Variants in CA10 observed in about 807,000 individuals in gnomAD.
CA10 encodes the protein carbonic anhydrase 10 (inactive).
In CA10, 14 loss-of-function variants were observed where a neutral mutation model predicts 44.2. The ratio of observed to expected loss-of-function variants is 0.32; its 90% CI spans 0.21 to 0.50. The LOEUF is 0.50. CA10 is among the 20% of genes least tolerant of loss of function. The pLI, the probability that CA10 is intolerant of heterozygous loss-of-function variation, is 0.99. For missense variants in CA10, 350 were observed against 409.7 expected (o/e 0.85, Z 1.26); for synonymous variants, 159 against 141.6 (o/e 1.12, Z -0.87).
chr17:52,000,334 G>A (rs2144118370), intron 2 of CA10, among the ~76,000 whole-genome samples: 1 of 152,102 alleles, frequency 6.6e-6, no homozygotes, highest in South Asian at 2.1e-4. Context: ...ATCCACACAT[G>A]AGTTTAACAC....
chr17:52,065,020 A>G (rs1262689406), intron 2 of CA10, among the ~76,000 whole-genome samples: 2 of 152,168 alleles, frequency 1.3e-5, no homozygotes, highest in Non-Finnish European at 2.9e-5. Flanking sequence ...AAGGCCCTCT[A>G]TGAGCTGGCC....
chr17:52,059,258 C>G (rs1486020955), intron 2 of CA10, among the ~76,000 whole-genome samples: 1 of 152,134 alleles, frequency 6.6e-6, no homozygotes, highest in Non-Finnish European at 1.5e-5. Context: ...CCAAACCAAT[C>G]TTAGCAAGCT....
intron 2 of CA10, among the ~76,000 whole-genome samples, chr17:52,025,628 T>C (rs1986276372): frequency 6.6e-6 from 1 of 152,086 alleles, no homozygotes; most frequent in Non-Finnish European, 1.5e-5. Context: ...ACCAAATGGG[T>C]AAAGCACCTA....
At chr17:52,112,547 C>G (rs1460055902) in intron 1 of CA10, among the ~76,000 whole-genome samples, 1 of 152,216 alleles carries the variant, frequency 6.6e-6, no homozygotes, top group Non-Finnish European at 1.5e-5. Flanking sequence ...TACAGCCAAA[C>G]TCCTTGATAT....
chr17:52,010,291 C>T (rs531941141), intron 2 of CA10, among the ~76,000 whole-genome samples: 2 of 152,092 alleles, frequency 1.3e-5, no homozygotes, highest in Admixed American at 1.3e-4. Flanking sequence ...AAAAAAGATA[C>T]TTGTGCACAC....
chr17:52,071,642 T>G lies in CA10; in HGVS notation c.136+677A>C, dbSNP rs78586339. Among the ~76,000 whole-genome samples, 18 of 152,232 alleles carry G rather than the reference T, an allele frequency of 1.2e-4. No individual in the cohort carries two copies. The East Asian group carries it at 2.5e-3, about 21-fold the overall frequency. ...TCACATCTGAGCAGTTAAAAATACT[T>G]TGAAATATGTCACCTGCCTTCCCTT... On this transcript the variant is annotated intron_variant, in intron 2 of 8. Transcript: ENST00000451037.
intron 2 of CA10, among the ~76,000 whole-genome samples, chr17:51,983,000 T>TC (rs780479875): frequency 1.4e-4 from 22 of 151,906 alleles, no homozygotes; most frequent in Non-Finnish European, 2.9e-4. Context: ...GATTATTTTT[T>TC]CTCGAGTTTT....
At chr17:52,096,992 A>G (rs907013396) in intron 1 of CA10, among the ~76,000 whole-genome samples, 6 of 152,218 alleles carry the variant, frequency 3.9e-5, no homozygotes, top group Non-Finnish European at 8.8e-5. Context: ...GGATTTGTCC[A>G]TTTGCTTACA....
At chr17:51,862,195 T>C (rs1464867608) in intron 3 of CA10, among the ~76,000 whole-genome samples, 1 of 152,226 alleles carries the variant, frequency 6.6e-6, no homozygotes, top group African/African-American at 2.4e-5. Context: ...CTCATCTGTA[T>C]GATGAAGGAT....
intron 2 of CA10, among the ~76,000 whole-genome samples, chr17:52,021,080 T>A (rs1327566577): frequency 6.6e-6 from 1 of 152,038 alleles, no homozygotes; most frequent in African/African-American, 2.4e-5. Flanking sequence ...TGATTCCATA[T>A]AACAAACCTA....
chr17:51,968,451 C>A (rs1424497947), intron 2 of CA10, among the ~76,000 whole-genome samples: 1 of 151,836 alleles, frequency 6.6e-6, no homozygotes, highest in Non-Finnish European at 1.5e-5. Context: ...ATACATTGCA[C>A]TGAGCAAAAA....
intron 1 of CA10, among the ~76,000 whole-genome samples, chr17:52,147,391 C>A (rs113621146): frequency 3.5e-4 from 53 of 151,880 alleles, no homozygotes; most frequent in African/African-American, 1.3e-3. Flanking sequence ...AAACACAACT[C>A]TCATTCATGA....
At chr17:52,138,822 C>T (rs1041000906) in intron 1 of CA10, among the ~76,000 whole-genome samples, 4 of 152,140 alleles carry the variant, frequency 2.6e-5, no homozygotes, top group African/African-American at 9.7e-5. Flanking sequence ...GTGAGCACCT[C>T]AAGTGCTTTA....
At position 51,840,962 on chromosome 17, in the gene CA10, G is replaced by A. The variant is rs762920902; in HGVS notation, c.279+90028C>T. ...GCTGAGTCCCTTTCATGAGACCCAT[G>A]TGCTTGCTCAGAAGCAGAGCTGAAG... On this transcript the variant is annotated intron_variant, in intron 3 of 8. Coordinates refer to ENST00000451037, the MANE Select transcript of CA10 (RefSeq NM_020178.5). Among the ~76,000 whole-genome samples, 6 of 152,186 alleles carry A rather than the reference G, an allele frequency of 3.9e-5. No individual in the cohort carries two copies. In the South Asian group the frequency reaches 1.0e-3, roughly 26 times the overall value.
chr17:52,085,498 C>T (rs1988093615), intron 1 of CA10, among the ~76,000 whole-genome samples: 1 of 152,228 alleles, frequency 6.6e-6, no homozygotes, highest in Admixed American at 6.5e-5. Context: ...TCAAGTCTCT[C>T]TGCAAAGCCC....
intron 3 of CA10, among the ~76,000 whole-genome samples, chr17:51,763,816 A>C (rs1307051345): frequency 6.6e-6 from 1 of 152,002 alleles, no homozygotes; most frequent in Non-Finnish European, 1.5e-5. Flanking sequence ...TCATTCAACA[A>C]TTTAAAGAAA....
At chr17:52,117,948 G>A (rs1391101346) in intron 1 of CA10, among the ~76,000 whole-genome samples, 1 of 152,118 alleles carries the variant, frequency 6.6e-6, no homozygotes, top group Non-Finnish European at 1.5e-5. Flanking sequence ...AAATTCAAAG[G>A]GGTATTATAT....
intron 5 of CA10, 65 bp downstream of exon 5, chr17:51,653,576 C>A (rs1281758248): frequency 6.7e-6 from 6 of 895,808 alleles, no homozygotes; most frequent in Admixed American, 1.7e-5. Flanking sequence ...CCAACAGAGA[C>A]CGTAAATTGG....
chr17:52,012,826 T>TA (rs5820898), intron 2 of CA10, among the ~76,000 whole-genome samples: 2,556 of 149,980 alleles, frequency 0.017, 70 homozygotes, highest in African/African-American at 0.057. Context: ...GTGTTAATTA[T>TA]AAAAAAAAAA....
Sources: allele counts gnomAD v4.1 joint callset (sites outside exome capture counted in the v4.1 genomes callset), GRCh38; gene constraint gnomAD v4.1.1; transcripts MANE v1.5; gene names NCBI Gene and HGNC (gene_info 2026-07-23, HGNC 2026-07-21).